DLG1: variants seen among roughly 807,000 people sequenced by gnomAD.
DLG1 encodes the protein disks large homolog 1.
In DLG1, 42 loss-of-function variants were observed where a neutral mutation model predicts 123.4. That is an observed-to-expected ratio of 0.34 (90% CI 0.27 to 0.44). The LOEUF (loss-of-function observed/expected upper bound fraction) is 0.44, where lower values mean the gene tolerates loss of function less well. DLG1 is among the 20% of genes least tolerant of loss of function. DLG1 has a pLI of 1.00. For missense variants in DLG1, 942 were observed against 1,082.6 expected (o/e 0.87, Z 1.82); for synonymous variants, 317 against 356.2 (o/e 0.89, Z 1.24).
At chr3:197,247,087 C>T (rs1752092693) in intron 4 of DLG1, among the ~76,000 whole-genome samples, 1 of 152,204 alleles carries the variant, frequency 6.6e-6, no homozygotes, top group Non-Finnish European at 1.5e-5. Flanking sequence ...AAACTTTGGA[C>T]TTCTGAGCTA....
intron 5 of DLG1, among the ~76,000 whole-genome samples, chr3:197,158,461 TAA>T (rs10573278): frequency 0.71 from 84,407 of 118,134 alleles, 29,966 homozygotes; most frequent in East Asian, 0.78. Flanking sequence ...CGTCTCTACT[TAA>T]AAAAAAAAAA....
chr3:197,275,826 T>C (rs772038948), intron 4 of DLG1, among the ~76,000 whole-genome samples: 3 of 152,184 alleles, frequency 2.0e-5, no homozygotes, highest in Non-Finnish European at 4.4e-5. Context: ...AGTAGGTGAC[T>C]ATAGGTAACA....
At chr3:197,235,348 A>G (rs1324736585) in intron 4 of DLG1, among the ~76,000 whole-genome samples, 1 of 152,240 alleles carries the variant, frequency 6.6e-6, no homozygotes, top group African/African-American at 2.4e-5. Flanking sequence ...TCAAATAGTG[A>G]GTACCCTTGA....
At chr3:197,168,743 G>A (rs6583200) in intron 5 of DLG1, among the ~76,000 whole-genome samples, 1 of 151,952 alleles carries the variant, frequency 6.6e-6, no homozygotes, top group Admixed American at 6.6e-5. Flanking sequence ...TCAATAAGAT[G>A]AGATCTAAAG....
intron 17 of DLG1, chr3:197,078,381 A>C (rs1748692753): frequency 6.6e-6 from 1 of 151,896 alleles, no homozygotes; most frequent in African/African-American, 2.4e-5. Flanking sequence ...CTATGACTTG[A>C]GAAGACTTAT....
chr3:197,113,714 G>A (rs540217222), intron 13 of DLG1, among the ~76,000 whole-genome samples: 446 of 152,048 alleles, frequency 2.9e-3, no homozygotes, highest in Non-Finnish European at 4.7e-3. Flanking sequence ...TCTTAAAATC[G>A]TAGCTTTTAA....
intron 6 of DLG1, among the ~76,000 whole-genome samples, chr3:197,146,952 GA>G (rs1791085657): frequency 1.3e-5 from 2 of 151,748 alleles, no homozygotes; most frequent in South Asian, 4.2e-4. Context: ...AAATCAGCAA[GA>G]AAAAAACAAT....
intron 18 of DLG1, 37 bp from the exon 19 acceptor site, chr3:197,069,297 G>C: frequency 1.4e-6 from 2 of 1,460,734 alleles, no homozygotes; most frequent in Non-Finnish European, 1.9e-6. Flanking sequence ...ATAAAACAGT[G>C]TCATGAGTTT....
At chr3:197,107,266 C>T (rs757010174) in intron 13 of DLG1, among the ~76,000 whole-genome samples, 2 of 152,048 alleles carry the variant, frequency 1.3e-5, no homozygotes, top group South Asian at 2.1e-4. Flanking sequence ...ATATACTGGC[C>T]AGGTGTGGTG....
At chr3:197,142,968 G>T (rs975144669) in intron 6 of DLG1, among the ~76,000 whole-genome samples, 200 bp from the exon 7 acceptor site, 1 of 152,164 alleles carries the variant, frequency 6.6e-6, no homozygotes, top group Non-Finnish European at 1.5e-5. Context: ...GACAACATTC[G>T]TGGTATCATG....
At chr3:197,229,612 C>A (rs1487169881) in intron 4 of DLG1, among the ~76,000 whole-genome samples, 1 of 152,120 alleles carries the variant, frequency 6.6e-6, no homozygotes, top group Non-Finnish European at 1.5e-5. Context: ...TCTAACTCAG[C>A]AATCTTCTAT....
At chr3:197,200,758 G>GA (rs763190871) in intron 4 of DLG1, among the ~76,000 whole-genome samples, 4 of 151,946 alleles carry the variant, frequency 2.6e-5, no homozygotes, top group Admixed American at 6.5e-5. Context: ...AACAGACTCA[G>GA]AAAAAACATT....
intron 13 of DLG1, among the ~76,000 whole-genome samples, chr3:197,115,612 G>T (rs1374782613): frequency 1.3e-5 from 2 of 152,002 alleles, no homozygotes; most frequent in East Asian, 1.9e-4. Flanking sequence ...AGATCAAGAA[G>T]GTAACAGATT....
intron 4 of DLG1, among the ~76,000 whole-genome samples, chr3:197,251,198 C>G (rs544424842): frequency 1.6e-4 from 25 of 152,030 alleles, no homozygotes; most frequent in African/African-American, 6.0e-4. Flanking sequence ...TGGTGAAACC[C>G]AGTCTCTACA....
chr3:197,235,704 T>G (rs139978812), intron 4 of DLG1, among the ~76,000 whole-genome samples: 9 of 152,300 alleles, frequency 5.9e-5, no homozygotes, highest in African/African-American at 2.2e-4. Flanking sequence ...AAACAGTACT[T>G]AGGAACACTC....
chr3:197,225,075 GCCC>G (rs1281759776), intron 4 of DLG1, among the ~76,000 whole-genome samples: 1 of 152,126 alleles, frequency 6.6e-6, no homozygotes, highest in Non-Finnish European at 1.5e-5. Context: ...TCCTGCCTCA[GCCC>G]CCCAAGTAGC....
intron 5 of DLG1, among the ~76,000 whole-genome samples, chr3:197,158,402 T>C (rs1021387573): frequency 1.4e-5 from 2 of 147,564 alleles, no homozygotes; most frequent in African/African-American, 5.0e-5. Context: ...GCAGGCGGAC[T>C]ACCTGAAGTC....
chr3:197,223,442 T>A (rs913281651), intron 4 of DLG1, among the ~76,000 whole-genome samples: 3 of 152,188 alleles, frequency 2.0e-5, no homozygotes, highest in Admixed American at 6.5e-5. Flanking sequence ...TAAACTCTAG[T>A]CCCATAGAAA....
chr3:197,286,076 G>A (rs747914618), intron 3 of DLG1, among the ~76,000 whole-genome samples: 37 of 152,194 alleles, frequency 2.4e-4, no homozygotes, highest in Non-Finnish European at 5.1e-4. Flanking sequence ...AAAAGGCATG[G>A]AGGAACCGTA....
Sources: allele counts gnomAD v4.1 joint callset (sites outside exome capture counted in the v4.1 genomes callset), GRCh38; gene constraint gnomAD v4.1.1; transcripts MANE v1.5; gene names NCBI Gene and HGNC (gene_info 2026-07-23, HGNC 2026-07-21).